SLC35D4: variants seen among roughly 807,000 people sequenced by gnomAD.
SLC35D4 encodes UDP-N-acetylglucosamine transporter SLC35D4.
chr18:23,307,523 C>A, the SLC35D4 span, among the ~76,000 whole-genome samples: 2 of 152,236 alleles, frequency 1.3e-5, no homozygotes, highest in Non-Finnish European at 2.9e-5. Context: ...CATTCTTGTC[C>A]TCATGTGGTC....
At chr18:23,316,838 A>G in the SLC35D4 span, among the ~76,000 whole-genome samples, 1 of 152,218 alleles carries the variant, frequency 6.6e-6, no homozygotes, top group African/African-American at 2.4e-5. Context: ...CCAAAATGTG[A>G]TGAGGGCATA....
the SLC35D4 span, among the ~76,000 whole-genome samples, chr18:23,344,325 A>C: frequency 1.3e-5 from 2 of 152,190 alleles, no homozygotes; most frequent in Non-Finnish European, 2.9e-5. Flanking sequence ...ACACATGTGC[A>C]TGTGTCTTTA....
At chr18:23,374,010 C>T in the SLC35D4 span, among the ~76,000 whole-genome samples, 3 of 152,308 alleles carry the variant, frequency 2.0e-5, no homozygotes, top group South Asian at 6.2e-4. Flanking sequence ...CAGGCATTTA[C>T]AGGACATCTG....
the SLC35D4 span, among the ~76,000 whole-genome samples, chr18:23,394,353 T>C: frequency 6.6e-6 from 1 of 152,220 alleles, no homozygotes; most frequent in South Asian, 2.1e-4. Context: ...TTAAATATCA[T>C]CTGTGGAGAA....
chr18:23,409,442 A>G, the SLC35D4 span, among the ~76,000 whole-genome samples: 1 of 152,220 alleles, frequency 6.6e-6, no homozygotes, highest in Admixed American at 6.5e-5. Context: ...AGTTAATCCT[A>G]CATTTTTACT....
chr18:23,356,335 T>A, the SLC35D4 span, among the ~76,000 whole-genome samples: 1 of 152,224 alleles, frequency 6.6e-6, no homozygotes, highest in African/African-American at 2.4e-5. The surrounding 1 kb of genome is among the most constrained non-coding windows in gnomAD (Gnocchi z 4.1). Flanking sequence ...ATCCTAGCTC[T>A]AGAGCAAGCG....
the SLC35D4 span, among the ~76,000 whole-genome samples, chr18:23,266,296 G>A: frequency 1.1e-3 from 165 of 152,116 alleles, no homozygotes; most frequent in African/African-American, 3.6e-3. Context: ...CCCATCAGAG[G>A]GACTCTGGAA....
At chr18:23,364,454 T>G in the SLC35D4 span, among the ~76,000 whole-genome samples, 1 of 152,192 alleles carries the variant, frequency 6.6e-6, no homozygotes, top group Non-Finnish European at 1.5e-5. Context: ...TAACTTGTAT[T>G]TTCAGCCATG....
chr18:23,407,508 C>T, the SLC35D4 span, among the ~76,000 whole-genome samples: 6 of 152,076 alleles, frequency 3.9e-5, 1 homozygote, highest in South Asian at 1.2e-3. Context: ...GAAAAAAAAT[C>T]AGCTCTCCAA....
chr18:23,417,905 T>C, the SLC35D4 span, among the ~76,000 whole-genome samples: 93 of 152,322 alleles, frequency 6.1e-4, no homozygotes, highest in African/African-American at 2.2e-3. Flanking sequence ...TCCCTCATTC[T>C]GGCCCAAGCT....
chr18:23,410,472 T>C, the SLC35D4 span, among the ~76,000 whole-genome samples: 105 of 142,356 alleles, frequency 7.4e-4, no homozygotes, highest in Non-Finnish European at 1.1e-3. Context: ...AGCGAGACTC[T>C]GTCTCAAAAA....
At chr18:23,250,700 G>A in the SLC35D4 span, among the ~76,000 whole-genome samples, 2 of 152,170 alleles carry the variant, frequency 1.3e-5, no homozygotes, top group African/African-American at 4.8e-5. Context: ...GGTTAGCCGG[G>A]ACCAGAATGG....
At chr18:23,301,169 A>G in the SLC35D4 span, among the ~76,000 whole-genome samples, 1 of 152,166 alleles carries the variant, frequency 6.6e-6, no homozygotes, top group Non-Finnish European at 1.5e-5. Context: ...CCTCACCGCA[A>G]TGTGTCTGTC....
At chr18:23,398,846 CA>C in the SLC35D4 span, among the ~76,000 whole-genome samples, 2 of 152,214 alleles carry the variant, frequency 1.3e-5, no homozygotes, top group Admixed American at 6.5e-5. Context: ...AGTCAGAATA[CA>C]ACTATTTTCT....
At chr18:23,358,911 G>A in the SLC35D4 span, among the ~76,000 whole-genome samples, 7 of 152,090 alleles carry the variant, frequency 4.6e-5, no homozygotes, top group Admixed American at 6.5e-5. Flanking sequence ...GAGGGTGCAC[G>A]GCAACCCAGG....
At chr18:23,278,674 T>A in the SLC35D4 span, among the ~76,000 whole-genome samples, 1 of 152,098 alleles carries the variant, frequency 6.6e-6, no homozygotes, top group Admixed American at 6.6e-5. Flanking sequence ...TCTAGCATGA[T>A]CTAAGTAGCC....
chr18:23,391,939 CT>C, the SLC35D4 span, among the ~76,000 whole-genome samples: 1 of 151,144 alleles, frequency 6.6e-6, no homozygotes, highest in African/African-American at 2.4e-5. Context: ...TTTCTTTCTT[CT>C]TCTTTTTTTT....
At chr18:23,421,232 A>T in the SLC35D4 span, 1 of 739,450 alleles carries the variant, frequency 1.4e-6, no homozygotes, top group Non-Finnish European at 2.1e-6. Context: ...AGACAGTGAG[A>T]CTCTGTCTCA....
At chr18:23,327,758 G>C in the SLC35D4 span, among the ~76,000 whole-genome samples, 2 of 152,154 alleles carry the variant, frequency 1.3e-5, no homozygotes, top group East Asian at 3.8e-4. Context: ...CAAAAAAAGA[G>C]AATTTTAGAC....
Sources: allele counts gnomAD v4.1 joint callset (sites outside exome capture counted in the v4.1 genomes callset), GRCh38; gene constraint gnomAD v4.1.1; non-coding constraint Gnocchi (gnomAD v3.1); transcripts MANE v1.5; gene names NCBI Gene and HGNC (gene_info 2026-07-23, HGNC 2026-07-21).